Variants in RNLS observed in about 807,000 individuals in gnomAD.
The protein encoded by RNLS is renalase, FAD dependent amine oxidase, also known as renalase.
RNLS carries 39 observed loss-of-function variants against 39.8 expected under a neutral mutation model. That is an observed-to-expected ratio of 0.98 (90% CI 0.76 to 1.28). RNLS has a LOEUF of 1.28. RNLS is among the 50% of genes most tolerant of loss of function. The pLI is 0.00. For synonymous variants in RNLS, 147 were observed against 150.7 expected (o/e 0.98, Z 0.18); for missense variants, 410 against 413.3 (o/e 0.99, Z 0.07).
At chr10:88,527,703 C>T (rs1363827039) in intron 4 of RNLS, among the ~76,000 whole-genome samples, 1 of 152,062 alleles carries the variant, frequency 6.6e-6, no homozygotes, top group Non-Finnish European at 1.5e-5. Flanking sequence ...CATAGAGCTT[C>T]CAGTTGGCAT....
chr10:88,471,139 C>A (rs950423250), intron 4 of RNLS, among the ~76,000 whole-genome samples: 5 of 152,098 alleles, frequency 3.3e-5, no homozygotes, highest in Non-Finnish European at 7.4e-5. Context: ...TTAAGTAAAG[C>A]ACTTAGCACA....
intron 4 of RNLS, among the ~76,000 whole-genome samples, chr10:88,439,934 G>T (rs929702224): frequency 1.3e-5 from 2 of 152,110 alleles, no homozygotes; most frequent in African/African-American, 4.8e-5. Flanking sequence ...CCTCCTGTAA[G>T]AAGTAATCAA....
At chr10:88,297,262 G>GAT (rs1408547507) in intron 6 of RNLS, among the ~76,000 whole-genome samples, 1 of 152,154 alleles carries the variant, frequency 6.6e-6, no homozygotes, top group Non-Finnish European at 1.5e-5. Flanking sequence ...TCCTACCAGT[G>GAT]ATATGTGAGA....
In RNLS at chr10:88,444,065, ACCC is replaced by A. The variant is rs1442251582; in HGVS notation, c.527-81343_527-81341del. Among the ~76,000 whole-genome samples the A allele has an allele frequency of 2.0e-5, 3 of 152,072 alleles. No homozygotes were observed. The East Asian group carries it at 5.8e-4, about 29-fold the overall frequency. ...ACCCCGAGTAGCCTAACTGGGAGGC[ACCC>A]CCCAGTAGGGGAAGACTGACACCTC... On this transcript the variant is annotated intron_variant, in intron 4 of 6. Coordinates refer to ENST00000331772, the MANE Select transcript of RNLS (RefSeq NM_001031709.3).
chr10:88,424,010 A>G (rs117162091), intron 4 of RNLS, among the ~76,000 whole-genome samples: 1 of 152,038 alleles, frequency 6.6e-6, no homozygotes, highest in African/African-American at 2.4e-5. Context: ...CTTATCTCTC[A>G]TGTAAAGTCT....
At chr10:88,248,123 C>T in the RNLS span, among the ~76,000 whole-genome samples, 9 of 152,292 alleles carry the variant, frequency 5.9e-5, no homozygotes, top group East Asian at 1.7e-3. Flanking sequence ...TATTACAGTA[C>T]TTAATAAAAT....
intron 5 of RNLS, among the ~76,000 whole-genome samples, chr10:88,320,875 C>T (rs923918181): frequency 2.0e-5 from 3 of 146,446 alleles, no homozygotes; most frequent in Admixed American, 1.4e-4. Context: ...ACCATGCTGA[C>T]GGCACTAGAT....
Position 88,275,131 on chromosome 10 carries a change from C to CATAT in RNLS, c.877-103_877-100dup, listed in dbSNP as rs541044987. On this transcript the variant is annotated intron_variant, in intron 6 of 6. Transcript: ENST00000371947. ...ATAGTGGTTCTTTGCTTTCACGGAA[C>CATAT]ATATATAGACCTGGAATGGGGAGGG... is the stretch of plus-strand genomic sequence containing the variant. 7.5e-5 allele frequency: 69 copies of CATAT among 918,232 alleles called. No homozygotes were observed. The East Asian group carries it at 1.7e-3, about 22-fold the overall frequency. 56.9% of individuals were successfully genotyped at this position (918,232 alleles called of 1,614,324 possible). A position where few individuals can be genotyped will look rare whatever the true frequency, so the allele number is the denominator to read the frequency against.
At chr10:88,314,385 G>T in intron 6 of RNLS, 81 bp downstream of exon 6, 1 of 1,402,536 alleles carries the variant, frequency 7.1e-7, no homozygotes, top group Non-Finnish European at 9.9e-7. Context: ...ACTAGAGAGT[G>T]CAAAGGATAA....
At chr10:88,354,788 G>A in intron 5 of RNLS, among the ~76,000 whole-genome samples, 1 of 152,260 alleles carries the variant, frequency 6.6e-6, no homozygotes, top group Non-Finnish European at 1.5e-5. Flanking sequence ...GAAATTCTCT[G>A]GATAACATCC....
the RNLS span, among the ~76,000 whole-genome samples, chr10:88,192,591 G>T: frequency 6.6e-6 from 1 of 152,212 alleles, no homozygotes; most frequent in Non-Finnish European, 1.5e-5. Context: ...TGACTGTGGA[G>T]TTGCTTTTGT....
At chr10:88,506,964 A>C (rs1472307201) in intron 4 of RNLS, among the ~76,000 whole-genome samples, 3 of 152,074 alleles carry the variant, frequency 2.0e-5, no homozygotes, top group African/African-American at 4.8e-5. Context: ...CATGTGAACT[A>C]TATTAAAAAG....
At chr10:88,303,053 C>A (rs913440726) in intron 6 of RNLS, among the ~76,000 whole-genome samples, 1 of 152,348 alleles carries the variant, frequency 6.6e-6, no homozygotes, top group South Asian at 2.1e-4. Context: ...TACTGCACAC[C>A]TGGACTCATT....
intron 4 of RNLS, among the ~76,000 whole-genome samples, chr10:88,448,996 T>C (rs1239840559): frequency 6.6e-6 from 1 of 152,138 alleles, no homozygotes; most frequent in Non-Finnish European, 1.5e-5. Context: ...CCGGGGCCTG[T>C]TGTGCAGTGC....
At chr10:88,446,312 T>C (rs554716753) in intron 4 of RNLS, among the ~76,000 whole-genome samples, 1 of 151,954 alleles carries the variant, frequency 6.6e-6, no homozygotes, top group South Asian at 2.1e-4. Flanking sequence ...CACATTTAAA[T>C]CAGTGTGTAG....
chr10:88,559,774 A>G (rs1346354812), intron 4 of RNLS, among the ~76,000 whole-genome samples: 1 of 152,110 alleles, frequency 6.6e-6, no homozygotes. Context: ...TACCTGTTTG[A>G]GTGGACTCTA....
intron 4 of RNLS, among the ~76,000 whole-genome samples, chr10:88,391,409 T>G (rs993739796): frequency 6.6e-6 from 1 of 152,008 alleles, no homozygotes; most frequent in Non-Finnish European, 1.5e-5. Flanking sequence ...AATACAAAAA[T>G]TAGCCGGGCA....
chr10:88,359,033 C>A (rs1477809883), intron 5 of RNLS, among the ~76,000 whole-genome samples: 1 of 152,186 alleles, frequency 6.6e-6, no homozygotes, highest in African/African-American at 2.4e-5. Flanking sequence ...CATCTCCTGG[C>A]CGGGTACAGT....
chr10:88,207,555 T>C, the RNLS span, among the ~76,000 whole-genome samples: 1 of 152,118 alleles, frequency 6.6e-6, no homozygotes, highest in Non-Finnish European at 1.5e-5. Flanking sequence ...GTAGAGCAAA[T>C]GGGACTCTCA....
Sources: gnomAD v4.1 joint callset for allele counts (sites outside exome capture counted in the v4.1 genomes callset) on GRCh38, gnomAD v4.1.1 for gene constraint, MANE v1.5 for transcripts, NCBI Gene and HGNC (gene_info 2026-07-23, HGNC 2026-07-21) for gene names.